Variants in C1orf105 observed in about 807,000 individuals in gnomAD.
C1orf105 encodes the protein chromosome 1 open reading frame 105.
A neutral mutation model predicts 20.8 loss-of-function variants in C1orf105; 17 were observed. That is an observed-to-expected ratio of 0.82 (90% confidence interval 0.56 to 1.23). The LOEUF is 1.23. C1orf105 is among the 50% of genes most tolerant of loss of function. The pLI is 0.00. For missense variants in C1orf105, 219 were observed against 213.5 expected (o/e 1.03, Z -0.16); for synonymous variants, 72 against 72.1 (o/e 1.00, Z 0.01).
chr1:172,457,708 A>G (rs1052799976), intron 4 of C1orf105, among the ~76,000 whole-genome samples: 29 of 152,224 alleles, frequency 1.9e-4, no homozygotes, highest in African/African-American at 6.5e-4. Flanking sequence ...CACTTGGGAC[A>G]TCAGCAGCCA....
intron 2 of C1orf105, among the ~76,000 whole-genome samples, chr1:172,446,409 A>T (rs1481746789): frequency 5.3e-5 from 8 of 152,196 alleles, no homozygotes; most frequent in Non-Finnish European, 1.2e-4. Flanking sequence ...AGCTGGCCAA[A>T]CAGGACTGCA....
At chr1:172,438,783 G>A (rs2072123395) in intron 1 of C1orf105, among the ~76,000 whole-genome samples, 1 of 152,144 alleles carries the variant, frequency 6.6e-6, no homozygotes, top group South Asian at 2.1e-4. Context: ...GTTGATAGAT[G>A]CAGCAAACTT....
chr1:172,459,972 A>G (rs1649572768), intron 4 of C1orf105, among the ~76,000 whole-genome samples: 1 of 151,614 alleles, frequency 6.6e-6, no homozygotes, highest in Non-Finnish European at 1.5e-5. Flanking sequence ...TACTGGTTCC[A>G]TTTATATGAA....
At chr1:172,458,202 C>T (rs550671319) in intron 4 of C1orf105, among the ~76,000 whole-genome samples, 115 of 152,298 alleles carry the variant, frequency 7.6e-4, no homozygotes, top group African/African-American at 2.6e-3. Context: ...TTCTACTCAA[C>T]ATTTTACTAT....
At chr1:172,444,056 G>A (rs951758749) in intron 1 of C1orf105, 8 of 999,260 alleles carry the variant, frequency 8.0e-6, no homozygotes, top group Non-Finnish European at 9.6e-6. Flanking sequence ...TCGGGGCGCC[G>A]GGGCTGCGAC....
At chr1:172,447,011 A>T (rs569591023) in intron 2 of C1orf105, among the ~76,000 whole-genome samples, 1 of 152,330 alleles carries the variant, frequency 6.6e-6, no homozygotes, top group South Asian at 2.1e-4. Flanking sequence ...AGCACCTTTG[A>T]GGTGCCCTGA....
chr1:172,468,590 A>G lies in C1orf105; in HGVS notation c.548A>G (p.Gln183Arg), dbSNP rs759648171. ...RKEPIGKTTR[Q>R] is the part of the protein sequence containing the mutation. ...GAACCAATAGGCAAGACAACGAGGC[A>G]GTGAGCGGTAGGAGCTCATCACCTC... The change falls in exon 7 of 7, where the codon CAG (glutamine) becomes CGG (arginine). Residue 183 changes from glutamine (Q) to arginine (R), a missense_variant. Gln to Arg is a conservative substitution (Grantham distance 43). Transcript: ENST00000367727. The G allele has an allele frequency of 6.2e-7, 1 of 1,613,132 alleles. No homozygotes were observed. The highest frequency in any genetic ancestry group is 8.5e-7 in the Non-Finnish European group (1 of 1,179,414).
chr1:172,465,731 C>T, intron 6 of C1orf105: 2 of 461,572 alleles, frequency 4.3e-6, no homozygotes, highest in Non-Finnish European at 8.7e-6. Flanking sequence ...TCTCTATACC[C>T]TCAGAGCGGC....
Position 172,456,192 on chromosome 1 carries a change from G to A in C1orf105, c.199-223G>A, listed in dbSNP as rs116765116. ...GCAGCAGCCTCAAGACCACCACCTA[G>A]CCTATGTCTCACTCCCTCCTGCCTA... On this transcript the variant is annotated intron_variant, in intron 3 of 6. Transcript: ENST00000367727. Among the ~76,000 whole-genome samples the A allele has an allele frequency of 5.0e-3, 756 of 152,066 alleles. 12 individuals are homozygous for A. The highest frequency in any genetic ancestry group is 0.017 in the African/African-American group (718 of 41,474).
chr1:172,423,335 T>C (rs1313500109), intron 1 of C1orf105, among the ~76,000 whole-genome samples: 2 of 152,210 alleles, frequency 1.3e-5, no homozygotes, highest in Admixed American at 6.6e-5. Flanking sequence ...AACAAGAGTC[T>C]CTGCCTGGTA....
At chr1:172,444,139 A>G (rs1647693190) in intron 1 of C1orf105, 1 of 989,368 alleles carries the variant, frequency 1.0e-6, no homozygotes. Flanking sequence ...AACCATCGCG[A>G]CGTGACTGCT....
intron 1 of C1orf105, among the ~76,000 whole-genome samples, chr1:172,426,212 T>C (rs769792356): frequency 9.9e-5 from 15 of 152,176 alleles, no homozygotes; most frequent in Non-Finnish European, 1.5e-4. Flanking sequence ...CCTGCATCCT[T>C]TTCCAAAGGT....
intron 1 of C1orf105, chr1:172,441,896 G>C: frequency 6.2e-7 from 1 of 1,614,144 alleles, no homozygotes; most frequent in Non-Finnish European, 8.5e-7. Context: ...ATGGACAGTA[G>C]GCCTCCCACG....
At position 172,452,789 on chromosome 1, in the gene C1orf105, A is replaced by T. The variant is rs1648797947; in HGVS notation, c.199-3626A>T. ...CTGTCACTCTCCTGTCACAACTGCC[A>T]TCTGCTATCCAGAGGACAGCTGCTT... On this transcript the variant is annotated intron_variant, in intron 3 of 6. Coordinates refer to ENST00000367727, the MANE Select transcript of C1orf105 (RefSeq NM_139240.4). The T allele has an allele frequency of 5.9e-6, 8 of 1,356,672 alleles. No homozygotes were observed. The Middle Eastern group carries it at 8.4e-4, about 142-fold the overall frequency. 84.0% of individuals were successfully genotyped at this position (1,356,672 alleles called of 1,614,324 possible). A position where few individuals can be genotyped will look rare whatever the true frequency, so the allele number is the denominator to read the frequency against.
intron 1 of C1orf105, chr1:172,428,702 C>CT: frequency 1.6e-6 from 1 of 626,750 alleles, no homozygotes; most frequent in Non-Finnish European, 2.8e-6. Context: ...TTCCATAGCA[C>CT]TTACTACCTT....
chr1:172,445,214 TTTC>T, intron 2 of C1orf105, 56 bp downstream of exon 2: 2 of 1,397,982 alleles, frequency 1.4e-6, no homozygotes. Context: ...CAGAAGATGA[TTTC>T]TTCTTAAGGG....
chr1:172,442,429 AC>A (rs767380044), intron 1 of C1orf105: 1 of 1,614,034 alleles, frequency 6.2e-7, no homozygotes. Flanking sequence ...AAAAACACAA[AC>A]ACTGCACAGC....
At chr1:172,431,943 G>T (rs1385100605) in intron 1 of C1orf105, among the ~76,000 whole-genome samples, 2 of 152,238 alleles carry the variant, frequency 1.3e-5, no homozygotes, top group Non-Finnish European at 2.9e-5. Context: ...ATTCTCTCTC[G>T]TGCTTGGCTT....
intron 1 of C1orf105, among the ~76,000 whole-genome samples, chr1:172,434,837 T>C (rs938302542): frequency 5.3e-5 from 8 of 151,948 alleles, no homozygotes; most frequent in African/African-American, 1.7e-4. Context: ...ATCAACAAAA[T>C]TGATAGACCG....
Sources: allele counts gnomAD v4.1 joint callset (sites outside exome capture counted in the v4.1 genomes callset), GRCh38; gene constraint gnomAD v4.1.1; transcripts MANE v1.5; gene names NCBI Gene and HGNC (gene_info 2026-07-23, HGNC 2026-07-21).